Variants in MYEF2 observed in about 807,000 individuals in gnomAD.
MYEF2 encodes the protein myelin gene expression factor 2.
A neutral mutation model predicts 75.2 loss-of-function variants in MYEF2; 37 were observed. That is an observed-to-expected ratio of 0.49 (90% CI 0.38 to 0.65). MYEF2 has a LOEUF of 0.65. MYEF2 is among the 30% of genes least tolerant of loss of function. The pLI, the probability that MYEF2 is intolerant of heterozygous loss-of-function variation, is 0.00. For synonymous variants in MYEF2, 195 were observed against 241.6 expected, an observed-to-expected ratio of 0.81 and a Z score of 1.79; for missense variants, 634 against 771.4, an observed-to-expected ratio of 0.82 and a Z score of 2.11.
At chr15:48,164,646 A>G (rs932327598) in intron 5 of MYEF2, among the ~76,000 whole-genome samples, 1 of 152,172 alleles carries the variant, frequency 6.6e-6, no homozygotes, top group African/African-American at 2.4e-5. Context: ...CAACTGATAC[A>G]GCAAACTTCA....
intron 3 of MYEF2, among the ~76,000 whole-genome samples, chr15:48,166,627 T>C (rs2040143133): frequency 6.6e-6 from 1 of 152,038 alleles, no homozygotes; most frequent in African/African-American, 2.4e-5. Flanking sequence ...GTTGGAAGTA[T>C]GTAAAAATCA....
intron 9 of MYEF2, among the ~76,000 whole-genome samples, chr15:48,156,966 A>G (rs1409175258): frequency 1.3e-5 from 2 of 152,036 alleles, no homozygotes; most frequent in Non-Finnish European, 2.9e-5. Context: ...TGGGCAAGGG[A>G]GATGGGGAAG....
At chr15:48,158,144 T>G in intron 8 of MYEF2, 31 bp downstream of exon 8, 1 of 1,612,040 alleles carries the variant, frequency 6.2e-7, no homozygotes. Flanking sequence ...TCTGAAGAGG[T>G]TGGAGGTTGA....
chr15:48,143,927 C>T (rs2039180592), intron 16 of MYEF2, among the ~76,000 whole-genome samples: 1 of 151,928 alleles, frequency 6.6e-6, no homozygotes, highest in Non-Finnish European at 1.5e-5. Context: ...AATAATTACA[C>T]ATAAGTAACA....
chr15:48,149,279 T>G lies in MYEF2; in HGVS notation c.1471A>C (p.Ile491Leu), dbSNP rs760562987. 1.2e-6 allele frequency: 2 copies of G among 1,613,366 alleles called. No homozygotes were observed. Among genetic ancestry groups the G allele is most frequent in the Admixed American group, 3.3e-5 (2 of 59,928 alleles). The change falls in exon 15 of 17, where the codon ATA (isoleucine) becomes CTA (leucine). Residue 491 changes from isoleucine (I) to leucine (L), a missense_variant. Coordinates refer to ENST00000324324, the MANE Select transcript of MYEF2 (RefSeq NM_016132.5). The surrounding 1 kb of genome is among the most constrained non-coding windows in gnomAD (Gnocchi z 4.0). The stretch of plus-strand genomic sequence containing the variant: ...ATGCTCCTTTCCAGTATAGCTCCTA[T>G]ACCTGGTCCCATTCTATCAAAGCTG... ...SSSFDRMGPGIGAILERSIDM... is the reference protein window; with the variant it reads ...SSSFDRMGPGLGAILERSIDM...
At position 48,142,280 on chromosome 15, in the gene MYEF2, C is replaced by A. The variant is rs144839248; in HGVS notation, c.*628G>T. On this transcript the variant is annotated 3_prime_UTR_variant, in exon 17 of 17. Transcript: ENST00000324324. ...AGTCTGCCTATTATCATACTTGGGG[C>A]TTGCTACATTATCAGTTCTATATGA... 1 of 1,613,280 alleles carries A rather than the reference C, an allele frequency of 6.2e-7. No individual in the cohort carries two copies. The highest frequency in any genetic ancestry group is 1.3e-5 in the African/African-American group (1 of 74,822).
chr15:48,150,338 G>C lies in MYEF2; in HGVS notation c.1378+762C>G, dbSNP rs74011910. On this transcript the variant is annotated intron_variant, in intron 14 of 16. Transcript: ENST00000324324. Reference sequence around the variant, plus strand: ...GGAATAAAAGGAGCAAGATACAATGGAAGTAGACGTCTTAAGCTGACAGGA... The same window carrying C: ...GGAATAAAAGGAGCAAGATACAATGCAAGTAGACGTCTTAAGCTGACAGGA... 7.9e-3 allele frequency among the ~76,000 whole-genome samples: 1,198 copies of C among 152,148 alleles called. 9 individuals are homozygous for C. The highest frequency in any genetic ancestry group is 0.028 in the African/African-American group (1,150 of 41,546).
rs542444843 is a variant in MYEF2 at position 48,152,974 on chromosome 15, T to C, written c.1088-690A>G. On this transcript the variant is annotated intron_variant, in intron 10 of 16. Transcript: ENST00000324324. ...AACTATTTAAGTCACCAAATACTAC[T>C]AAGACATTATTTGATGTTTTACCCT... 6 of 147,510 alleles carry C rather than the reference T, an allele frequency of 4.1e-5. No homozygotes were observed. The East Asian group carries it at 1.2e-3, about 28-fold the overall frequency. 9.1% of individuals were successfully genotyped at this position (147,510 alleles called of 1,614,324 possible). A position where few individuals can be genotyped will look rare whatever the true frequency, so the allele number is the denominator to read the frequency against.
chr15:48,172,965 C>T (rs547654814), intron 1 of MYEF2, among the ~76,000 whole-genome samples: 1 of 152,260 alleles, frequency 6.6e-6, no homozygotes, highest in East Asian at 1.9e-4. Context: ...TTCCAAAAAA[C>T]TGAACATGAG....
intron 13 of MYEF2, 129 bp downstream of exon 13, chr15:48,151,344 A>C: frequency 9.5e-7 from 1 of 1,051,440 alleles, no homozygotes; most frequent in Non-Finnish European, 1.4e-6. Context: ...AAAATCCTTA[A>C]AGTGTTTTCT....
intron 14 of MYEF2, among the ~76,000 whole-genome samples, chr15:48,150,347 G>A (rs1013837655): frequency 1.3e-5 from 2 of 152,006 alleles, no homozygotes; most frequent in Admixed American, 6.6e-5. Context: ...GGAAGTAGAC[G>A]TCTTAAGCTG....
Position 48,134,759 on chromosome 15 carries a change from C to T in MYEF2, c.*8149G>A, listed in dbSNP as rs2038854502. The T allele has an allele frequency of 1.2e-6, 1 of 834,960 alleles. No individual in the cohort carries two copies. The highest frequency in any genetic ancestry group is 1.9e-5 in the South Asian group (1 of 51,722). 51.7% of individuals were successfully genotyped at this position (834,960 alleles called of 1,614,324 possible). A position where few individuals can be genotyped will look rare whatever the true frequency, so the allele number is the denominator to read the frequency against. On this transcript the variant is annotated 3_prime_UTR_variant, in exon 17 of 17. Transcript: ENST00000324324. ...TTAGAACACAATTTTACATTTTTTT[C>T]TCTAAGCAATATGCAAAAGATAACA... is the stretch of plus-strand genomic sequence containing the variant.
chr15:48,166,745 T>G (rs1446952683), intron 3 of MYEF2, among the ~76,000 whole-genome samples: 1 of 152,022 alleles, frequency 6.6e-6, no homozygotes, highest in Non-Finnish European at 1.5e-5. Context: ...TTATTCATCA[T>G]GCACCCAACT....
rs2038971675 is a variant in MYEF2, at chr15:48,138,955, T to C, written c.*3953A>G. The C allele has an allele frequency of 6.3e-7, 1 of 1,595,108 alleles. No individual in the cohort carries two copies. The highest frequency in any genetic ancestry group is 1.4e-5 in the African/African-American group (1 of 73,836). ...TTTGAGAAAACTCAAAAGTGTTTACTTTTTCCACAACAGATCCACCAAGTG... is the reference window on the plus strand; with the variant it reads ...TTTGAGAAAACTCAAAAGTGTTTACCTTTTCCACAACAGATCCACCAAGTG... On this transcript the variant is annotated 3_prime_UTR_variant, in exon 17 of 17. Transcript: ENST00000324324.
At chr15:48,168,564 T>C in intron 2 of MYEF2, 67 bp downstream of exon 2, 1 of 1,270,578 alleles carries the variant, frequency 7.9e-7, no homozygotes, top group Non-Finnish European at 1.1e-6. Flanking sequence ...AATAAAAATG[T>C]TTGTGTAGTT....
chr15:48,167,206 G>T (rs186295891), intron 3 of MYEF2, 143 bp downstream of exon 3: 2 of 737,846 alleles, frequency 2.7e-6, no homozygotes, highest in African/African-American at 1.8e-5. Context: ...TGTCAGACTT[G>T]CTGGTATAGA....
intron 14 of MYEF2, among the ~76,000 whole-genome samples, chr15:48,150,312 A>C (rs2039444701): frequency 6.6e-6 from 1 of 152,056 alleles, no homozygotes; most frequent in African/African-American, 2.4e-5. Context: ...TGATGGAAGG[A>C]GGAATAAAAG....
Position 48,142,754 on chromosome 15 carries a change from G to A in MYEF2, c.*154C>T, listed in dbSNP as rs1355673510. ...AAACTTGAGATTAACAAAAATTACA[G>A]TATATTTTTAACATTATACTGTTAA... On this transcript the variant is annotated 3_prime_UTR_variant, in exon 17 of 17. Coordinates refer to ENST00000324324, the MANE Select transcript of MYEF2 (RefSeq NM_016132.5). The A allele has an allele frequency of 2.9e-6, 2 of 700,116 alleles. No individual in the cohort carries two copies. Among genetic ancestry groups the A allele is most frequent in the African/African-American group, 1.9e-5 (1 of 52,850 alleles). 43.4% of individuals were successfully genotyped at this position (700,116 alleles called of 1,614,324 possible).
rs201161947 is a variant in MYEF2, at chr15:48,146,844, T to C, written c.1639+2188A>G. On this transcript the variant is annotated intron_variant, in intron 16 of 16. Coordinates refer to ENST00000324324, the MANE Select transcript of MYEF2 (RefSeq NM_016132.5). ...AGTGACATGGCAGAAAAATGGATGG[T>C]TCAGTTCATACTAGCTAGATAATTT... Among the ~76,000 whole-genome samples the C allele has an allele frequency of 6.6e-5, 10 of 152,172 alleles. No individual in the cohort carries two copies. In the East Asian group the frequency reaches 1.7e-3, roughly 26 times the overall value.
Sources: allele counts gnomAD v4.1 joint callset (sites outside exome capture counted in the v4.1 genomes callset), GRCh38; gene constraint gnomAD v4.1.1; non-coding constraint Gnocchi (gnomAD v3.1); transcripts MANE v1.5; gene names NCBI Gene and HGNC (gene_info 2026-07-23, HGNC 2026-07-21).